The following TM4SF4 variants were observed in gnomAD, a reference collection of about 807,000 sequenced individuals.
The protein encoded by TM4SF4 is transmembrane 4 L6 family member 4.
Under a neutral mutation model 24.1 loss-of-function variants are expected in TM4SF4, and 24 were observed. The ratio of observed to expected loss-of-function variants is 1.00; its 90% CI spans 0.72 to 1.40. TM4SF4 has a LOEUF of 1.40. Among genes scored for constraint, TM4SF4 ranks in the 40% most tolerant of loss-of-function variants. The probability of loss-of-function intolerance (pLI) is 0.00; values close to 1 mark genes in which losing one functional copy is unlikely to be tolerated. For missense variants in TM4SF4, 254 were observed against 254.2 expected (o/e 1.00, Z 0.01); for synonymous variants, 113 against 97.0 (o/e 1.17, Z -0.97).
intron 4 of TM4SF4, among the ~76,000 whole-genome samples, 179 bp downstream of exon 4, chr3:149,499,090 A>G (rs1409138857): frequency 6.6e-6 from 1 of 152,166 alleles, no homozygotes; most frequent in Non-Finnish European, 1.5e-5. Context: ...GCTCATGGAG[A>G]CAGACACATT....
At chr3:149,490,992 T>G (rs1734200852) in intron 3 of TM4SF4, among the ~76,000 whole-genome samples, 2 of 152,114 alleles carry the variant, frequency 1.3e-5, no homozygotes, top group African/African-American at 4.8e-5. Flanking sequence ...TTTCCTTCTT[T>G]TTCTTCCCAG....
At chr3:149,479,670 T>C (rs1223727737) in intron 2 of TM4SF4, among the ~76,000 whole-genome samples, 1 of 152,196 alleles carries the variant, frequency 6.6e-6, no homozygotes, top group Non-Finnish European at 1.5e-5. Flanking sequence ...ACGGGGCTTC[T>C]GTGGAGCACT....
At chr3:149,493,855 T>C (rs1032894773) in intron 3 of TM4SF4, among the ~76,000 whole-genome samples, 5 of 152,198 alleles carry the variant, frequency 3.3e-5, no homozygotes, top group Admixed American at 2.6e-4. Flanking sequence ...TTGTGGAGCT[T>C]CTCCCAGAGG....
rs568049344 is a variant in TM4SF4 at position 149,480,924 on chromosome 3, G to A, written c.264+5012G>A. On this transcript the variant is annotated intron_variant, in intron 2 of 4. Coordinates refer to ENST00000305354, the MANE Select transcript of TM4SF4 (RefSeq NM_004617.4). ...GGGCTGGTGTGCAAGAGGTTGGCGC[G>A]ATCTCGGCTCGCTGCAACCTCCGCC... Among the ~76,000 whole-genome samples the A allele has an allele frequency of 7.9e-5, 12 of 152,188 alleles. No homozygotes were observed. In the South Asian group the frequency reaches 2.1e-3, roughly 26 times the overall value.
Position 149,502,759 on chromosome 3 carries a change from T to C in TM4SF4, c.*66T>C, listed in dbSNP as rs1161403011. The C allele has an allele frequency of 2.5e-6, 3 of 1,220,118 alleles. No individual in the cohort carries two copies. Among genetic ancestry groups the C allele is most frequent in the Non-Finnish European group, 3.6e-6 (3 of 830,420 alleles). The allele number at this position is 1,220,118 out of a possible 1,614,324, so 75.6% of individuals were successfully genotyped here. ...TACAATTTCTTTTCATAAAACTTCT[T>C]CTCTTCTTGGAATTATTAATTCCTA... is the stretch of plus-strand genomic sequence containing the variant. On this transcript the variant is annotated 3_prime_UTR_variant, in exon 5 of 5. Transcript: ENST00000305354.
At chr3:149,501,050 A>G (rs577511265) in intron 4 of TM4SF4, among the ~76,000 whole-genome samples, 30 of 151,930 alleles carry the variant, frequency 2.0e-4, no homozygotes, top group African/African-American at 6.8e-4. Context: ...GAGAGAGAGA[A>G]AGAAAGAAAG....
At chr3:149,493,700 T>C (rs1294481663) in intron 3 of TM4SF4, among the ~76,000 whole-genome samples, 2 of 152,176 alleles carry the variant, frequency 1.3e-5, no homozygotes, top group Admixed American at 6.5e-5. Context: ...GTCTTTGCCC[T>C]TGGAAGTTTA....
At chr3:149,493,260 C>T (rs1488140177) in intron 3 of TM4SF4, among the ~76,000 whole-genome samples, 1 of 152,104 alleles carries the variant, frequency 6.6e-6, no homozygotes, top group East Asian at 1.9e-4. Context: ...TCAAAAAAAA[C>T]CTCTTTATTG....
chr3:149,500,746 TCTGTAATCCCAGCA>T (rs1308983134), intron 4 of TM4SF4, among the ~76,000 whole-genome samples: 1 of 152,084 alleles, frequency 6.6e-6, no homozygotes. Flanking sequence ...GTGGCTCATG[TCTGTAATCCCAGCA>T]CTTTGGGAGG....
At chr3:149,497,067 AATAC>A (rs1486575254) in intron 3 of TM4SF4, among the ~76,000 whole-genome samples, 1 of 152,214 alleles carries the variant, frequency 6.6e-6, no homozygotes, top group Non-Finnish European at 1.5e-5. Context: ...TTGCATGAGG[AATAC>A]ATAGCTAGTA....
At chr3:149,481,153 C>A (rs1455101898) in intron 2 of TM4SF4, among the ~76,000 whole-genome samples, 6 of 152,200 alleles carry the variant, frequency 3.9e-5, no homozygotes, top group African/African-American at 1.4e-4. Context: ...AGCCACCACG[C>A]CGGCATCTTC....
rs72996028 is a variant in TM4SF4 at position 149,480,447 on chromosome 3, A to G, written c.264+4535A>G. Among the ~76,000 whole-genome samples, 992 of 152,248 alleles carry G rather than the reference A, an allele frequency of 6.5e-3. 7 individuals are homozygous for G. The highest frequency in any genetic ancestry group is 0.022 in the African/African-American group (904 of 41,534). ...TAGGCATGTATTTCACCATCCTTAA[A>G]GCATATTAGATAGATCAAGGCCCGC... On this transcript the variant is annotated intron_variant, in intron 2 of 4. Transcript: ENST00000305354.
chr3:149,478,782 C>T (rs1018298251), intron 2 of TM4SF4, among the ~76,000 whole-genome samples: 5 of 152,114 alleles, frequency 3.3e-5, no homozygotes, highest in East Asian at 1.9e-4. Context: ...TTTTTTGAGG[C>T]GAAGTCTCGC....
At chr3:149,479,472 G>C (rs956527090) in intron 2 of TM4SF4, among the ~76,000 whole-genome samples, 3 of 150,758 alleles carry the variant, frequency 2.0e-5, no homozygotes, top group African/African-American at 7.3e-5. Flanking sequence ...TCAGCCTCCT[G>C]AGTAGCTGGT....
chr3:149,479,046 C>A (rs530726683), intron 2 of TM4SF4, among the ~76,000 whole-genome samples: 1 of 152,202 alleles, frequency 6.6e-6, no homozygotes, highest in African/African-American at 2.4e-5. Context: ...GGATTACAGG[C>A]GTGAGCCACT....
At chr3:149,501,036 A>AG (rs1553783945) in intron 4 of TM4SF4, among the ~76,000 whole-genome samples, 49 of 148,688 alleles carry the variant, frequency 3.3e-4, no homozygotes, top group African/African-American at 8.9e-4. Context: ...AAAAAAAAAA[A>AG]AGAGAGAGAG....
intron 4 of TM4SF4, among the ~76,000 whole-genome samples, 197 bp from the exon 5 acceptor site, chr3:149,502,479 C>T (rs762867792): frequency 5.9e-5 from 9 of 152,128 alleles, no homozygotes; most frequent in Non-Finnish European, 1.3e-4. Context: ...CAAAATGAAG[C>T]TTCCATTCCT....
chr3:149,475,873 T>C lies in TM4SF4; in HGVS notation c.225T>C (p.Cys75=), dbSNP rs762075002. ...TGGGCCTGAAGAACAATGACTGCTGTGGGTGCTGCGGCAACGAGGGCTGTG... is the reference window on the plus strand; with the variant it reads ...TGGGCCTGAAGAACAATGACTGCTGCGGGTGCTGCGGCAACGAGGGCTGTG... ...VFLGLKNNDC[C]GCCGNEGCGK... Residue 75 remains cysteine, a synonymous_variant, in exon 2 of 5, where the codon TGT becomes TGC. Transcript: ENST00000305354. The C allele has an allele frequency of 1.2e-6, 2 of 1,613,200 alleles. No homozygotes were observed. The highest frequency in any genetic ancestry group is 1.7e-6 in the Non-Finnish European group (2 of 1,179,644).
intron 3 of TM4SF4, among the ~76,000 whole-genome samples, chr3:149,496,228 G>A (rs1449027394): frequency 2.0e-5 from 3 of 151,210 alleles, no homozygotes; most frequent in Non-Finnish European, 2.9e-5. Context: ...TTTGTTTTTC[G>A]AGATGGGGTC....
Sources: gnomAD v4.1 joint callset for allele counts (sites outside exome capture counted in the v4.1 genomes callset) on GRCh38, gnomAD v4.1.1 for gene constraint, MANE v1.5 for transcripts, NCBI Gene and HGNC (gene_info 2026-07-23, HGNC 2026-07-21) for gene names.